AKT2: variants seen among roughly 807,000 people sequenced by gnomAD.
AKT2 encodes RAC-beta serine/threonine-protein kinase.
In AKT2, 16 loss-of-function variants were observed where a neutral mutation model predicts 58.6. The observed-to-expected ratio is 0.27, with a 90% CI of 0.18 to 0.41. AKT2 has a LOEUF of 0.41. AKT2 is among the 10% of genes least tolerant of loss of function. The probability of loss-of-function intolerance (pLI) is 1.00; values close to 1 mark genes in which losing one functional copy is unlikely to be tolerated. For missense variants in AKT2, 438 were observed against 661.0 expected (o/e 0.66, Z 3.70); for synonymous variants, 253 against 254.0 (o/e 1.00, Z 0.04).
Position 40,234,585 on chromosome 19 carries a change from C to T in AKT2, c.1366+460G>A, listed in dbSNP as rs1297171539. On this transcript the variant is annotated intron_variant, in intron 13 of 13. Coordinates refer to ENST00000392038, the MANE Select transcript of AKT2 (RefSeq NM_001626.6). The surrounding 1 kb of genome is among the most constrained non-coding windows in gnomAD (Gnocchi z 4.7). ...AGCCCTCCCTAACTGCAGGCCAGGT[C>T]GGATATTTCCTCTGGGATTCCCCAG... 6 of 407,518 alleles carry T rather than the reference C, an allele frequency of 1.5e-5. No individual in the cohort carries two copies. Among genetic ancestry groups the T allele is most frequent in the Middle Eastern group, 6.3e-4 (1 of 1,582 alleles). 25.2% of individuals were successfully genotyped at this position (407,518 alleles called of 1,614,324 possible).
At chr19:40,280,523 A>G (rs1477704519) in intron 1 of AKT2, among the ~76,000 whole-genome samples, 2 of 152,134 alleles carry the variant, frequency 1.3e-5, no homozygotes, top group African/African-American at 4.8e-5. Context: ...AACACCCTGA[A>G]TCTGACCAGG....
rs1243708802 is a variant in AKT2, at chr19:40,235,027, G to T, written c.1366+18C>A. ...CCCCTGGGGCAGGCACACCAGCGCGGGGGCCCCAGGCACTCACAGCGGTCA... is the reference window on the plus strand; with the variant it reads ...CCCCTGGGGCAGGCACACCAGCGCGTGGGCCCCAGGCACTCACAGCGGTCA... On this transcript the variant is annotated intron_variant, in intron 13 of 13. Transcript: ENST00000392038. This position sits in a 1 kb window ranked among gnomAD's most constrained non-coding sequence, Gnocchi z 6.3. 6.8e-6 allele frequency: 11 copies of T among 1,611,378 alleles called. No individual in the cohort carries two copies. Among genetic ancestry groups the T allele is most frequent in the Non-Finnish European group, 9.3e-6 (11 of 1,177,570 alleles).
Position 40,237,864 on chromosome 19 carries a change from G to A in AKT2, c.831+105C>T. The A allele has an allele frequency of 6.6e-7, 1 of 1,525,182 alleles. No individual in the cohort carries two copies. Among genetic ancestry groups the A allele is most frequent in the Non-Finnish European group, 8.9e-7 (1 of 1,126,896 alleles). 94.5% of individuals were successfully genotyped at this position (1,525,182 alleles called of 1,614,324 possible). A position where few individuals can be genotyped will look rare whatever the true frequency, so the allele number is the denominator to read the frequency against. The stretch of plus-strand genomic sequence containing the variant: ...GGCAGCCACCACCCTGGACCTTGGT[G>A]GGGAGCCTGGCGAATGAGGGCAGAA... On this transcript the variant is annotated intron_variant, in intron 9 of 13. Transcript: ENST00000392038. This position sits in a 1 kb window ranked among gnomAD's most constrained non-coding sequence, Gnocchi z 4.5.
At chr19:40,264,505 G>A (rs981209157) in intron 2 of AKT2, among the ~76,000 whole-genome samples, 3 of 152,054 alleles carry the variant, frequency 2.0e-5, no homozygotes, top group South Asian at 2.1e-4. Flanking sequence ...GCTGGACTCC[G>A]CGTTGCTCCT....
chr19:40,280,876 G>C (rs2145435476), intron 1 of AKT2: 1 of 152,494 alleles, frequency 6.6e-6, no homozygotes, highest in Admixed American at 6.5e-5. Context: ...TCGCTGCCTA[G>C]CTCCTCCCCC....
At position 40,237,741 on chromosome 19, in the gene AKT2, C is replaced by T. The variant is rs1285878395; in HGVS notation, c.831+228G>A. The stretch of plus-strand genomic sequence containing the variant: ...GGCTTGGGAAGGTCCCTACTTGGGG[C>T]AACTTGCCACAGAGCCACCACCCTG... On this transcript the variant is annotated intron_variant, in intron 9 of 13. Transcript: ENST00000392038. This position sits in a 1 kb window ranked among gnomAD's most constrained non-coding sequence, Gnocchi z 4.5. 2.2e-5 allele frequency: 13 copies of T among 590,600 alleles called. No homozygotes were observed. In the East Asian group the frequency reaches 3.9e-4, roughly 18 times the overall value. The allele number at this position is 590,600 out of a possible 1,614,324, so 36.6% of individuals were successfully genotyped here.
rs1310380370 is a variant in AKT2 at position 40,282,083 on chromosome 19, T to C, written c.-85+3098A>G. On this transcript the variant is annotated intron_variant, in intron 1 of 13. Coordinates refer to ENST00000392038, the MANE Select transcript of AKT2 (RefSeq NM_001626.6). Reference sequence around the variant, plus strand: ...TTACAGAGGCTGGAAACCAGAACATTGAAGTTCTGGATCCTAGCTGGGCCA... The same window carrying C: ...TTACAGAGGCTGGAAACCAGAACATCGAAGTTCTGGATCCTAGCTGGGCCA... 6 of 190,616 alleles carry C rather than the reference T, an allele frequency of 3.1e-5. No individual in the cohort carries two copies. In the Admixed American group the frequency reaches 3.2e-4, roughly 10 times the overall value. The allele number at this position is 190,616 out of a possible 1,614,324, so 11.8% of individuals were successfully genotyped here.
Position 40,265,285 on chromosome 19 carries a change from C to T in AKT2, c.-18G>A, listed in dbSNP as rs1976267204. On this transcript the variant is annotated 5_prime_UTR_variant, in exon 2 of 14. Transcript: ENST00000392038. The stretch of plus-strand genomic sequence containing the variant: ...TCATTCATGGTGGCAGCGTGGTACG[C>T]TGTCACCTAGCTCGGGACAGCTCAG... 1.2e-6 allele frequency: 2 copies of T among 1,612,066 alleles called. No individual in the cohort carries two copies. The highest frequency in any genetic ancestry group is 1.3e-5 in the African/African-American group (1 of 75,046).
At chr19:40,272,687 T>C (rs1167279304) in intron 1 of AKT2, among the ~76,000 whole-genome samples, 1 of 152,176 alleles carries the variant, frequency 6.6e-6, no homozygotes, top group African/African-American at 2.4e-5. Flanking sequence ...ATGATGGACC[T>C]TATAGGGCAT....
rs1331146626 is a variant in AKT2, at chr19:40,275,800, G to A, written c.-85+9381C>T. ...GGGGTGGGCGGGGGGCGATCACAAGGTCAGGAGTTCAAGACCAGCCTGGCC... is the reference window on the plus strand; with the variant it reads ...GGGGTGGGCGGGGGGCGATCACAAGATCAGGAGTTCAAGACCAGCCTGGCC... On this transcript the variant is annotated intron_variant, in intron 1 of 13. Coordinates refer to ENST00000392038, the MANE Select transcript of AKT2 (RefSeq NM_001626.6). Among the ~76,000 whole-genome samples, 8 of 121,662 alleles carry A rather than the reference G, an allele frequency of 6.6e-5. No individual in the cohort carries two copies. In the Admixed American group the frequency reaches 6.7e-4, roughly 10 times the overall value. The allele number at this position is 121,662 out of a possible 152,430, so 79.8% of individuals were successfully genotyped here.
At chr19:40,243,342 T>C (rs961124258) in intron 4 of AKT2, 4 of 153,650 alleles carry the variant, frequency 2.6e-5, no homozygotes, top group African/African-American at 9.7e-5. Flanking sequence ...TCGGAACAAA[T>C]GACAAGCTCA....
At position 40,262,421 on chromosome 19, in the gene AKT2, C is replaced by T. The variant is rs1234378188; in HGVS notation, c.46+2801G>A. ...ACAGCCCACATCTTGACTACTATAC[C>T]GTCTGCCTCTAAACCGGCAGATGGA... On this transcript the variant is annotated intron_variant, in intron 2 of 13. Transcript: ENST00000392038. 2.6e-5 allele frequency among the ~76,000 whole-genome samples: 4 copies of T among 152,276 alleles called. No homozygotes were observed. The East Asian group carries it at 7.7e-4, about 29-fold the overall frequency.
intron 1 of AKT2, chr19:40,275,489 G>A (rs549154847): frequency 7.3e-5 from 27 of 369,872 alleles, no homozygotes; most frequent in Non-Finnish European, 1.2e-4. Flanking sequence ...TACTATCCCC[G>A]TTCCTCACAT....
chr19:40,256,849 C>CA, intron 3 of AKT2, 77 bp downstream of exon 3: 1 of 1,604,346 alleles, frequency 6.2e-7, no homozygotes, highest in Non-Finnish European at 8.5e-7. Flanking sequence ...GCTCAATGAC[C>CA]AAGTCCCACA....
chr19:40,280,065 C>T (rs1209818885), intron 1 of AKT2, among the ~76,000 whole-genome samples: 1 of 152,206 alleles, frequency 6.6e-6, no homozygotes, highest in African/African-American at 2.4e-5. Context: ...TAATATCAAC[C>T]ACACCTGAGC....
chr19:40,283,972 T>C (rs1368256543), intron 1 of AKT2, among the ~76,000 whole-genome samples: 3 of 152,124 alleles, frequency 2.0e-5, no homozygotes, highest in Non-Finnish European at 4.4e-5. Flanking sequence ...CAGAGGAGCA[T>C]GTAGTGGTCT....
rs548469583 is a variant in AKT2, at chr19:40,235,635, T to A, written c.1175+255A>T. 6.6e-6 allele frequency among the ~76,000 whole-genome samples: 1 copy of A among 152,092 alleles called. No individual in the cohort carries two copies. The highest frequency in any genetic ancestry group is 1.5e-5 in the Non-Finnish European group (1 of 67,990). On this transcript the variant is annotated intron_variant, in intron 11 of 13. Coordinates refer to ENST00000392038, the MANE Select transcript of AKT2 (RefSeq NM_001626.6). This position sits in a 1 kb window ranked among gnomAD's most constrained non-coding sequence, Gnocchi z 6.3. ...GTTCCTATCCTGGCTCTGCCACATATGGTTTGGTGGCCCCAGCCAGGCCCA... is the reference window on the plus strand; with the variant it reads ...GTTCCTATCCTGGCTCTGCCACATAAGGTTTGGTGGCCCCAGCCAGGCCCA...
chr19:40,284,303 C>T (rs576989077), intron 1 of AKT2, among the ~76,000 whole-genome samples: 4 of 152,264 alleles, frequency 2.6e-5, no homozygotes, highest in Admixed American at 6.5e-5. Flanking sequence ...AATCCCTCTT[C>T]CTCTTCAGAA....
intron 3 of AKT2, among the ~76,000 whole-genome samples, chr19:40,256,640 TCCAA>T (rs1275666688): frequency 1.3e-3 from 202 of 152,298 alleles, no homozygotes; most frequent in African/African-American, 4.6e-3. Flanking sequence ...AGTTGGGGAC[TCCAA>T]GGCCTGGCTG....
Sources: allele counts gnomAD v4.1 joint callset (sites outside exome capture counted in the v4.1 genomes callset), GRCh38; gene constraint gnomAD v4.1.1; non-coding constraint Gnocchi (gnomAD v3.1); transcripts MANE v1.5; gene names NCBI Gene and HGNC (gene_info 2026-07-23, HGNC 2026-07-21).